The following KIRREL3 variants were observed in gnomAD, a reference collection of about 807,000 sequenced individuals.
KIRREL3 encodes the protein kirre like nephrin family adhesion molecule 3.
In KIRREL3, 36 loss-of-function variants were observed where a neutral mutation model predicts 89.7. The observed-to-expected ratio is 0.40, with a 90% CI of 0.31 to 0.53. The LOEUF (loss-of-function observed/expected upper bound fraction) is 0.53. Ranked by LOEUF, KIRREL3 falls within the 20% of genes least tolerant of loss-of-function variation. KIRREL3 has a pLI of 0.49. For synonymous variants in KIRREL3, 445 were observed against 441.4 expected (o/e 1.01, Z -0.10); for missense variants, 864 against 1,056.6 (o/e 0.82, Z 2.53).
chr11:126,465,215 G>C (rs1956681896), intron 5 of KIRREL3, among the ~76,000 whole-genome samples: 1 of 152,138 alleles, frequency 6.6e-6, no homozygotes, highest in Admixed American at 6.5e-5. Context: ...TAGATGAACA[G>C]ACCACTCCTC....
rs1941125063 is a variant in KIRREL3 at position 126,574,131 on chromosome 11, A to T, written c.56-11219T>A. On this transcript the variant is annotated intron_variant, in intron 1 of 16. Coordinates refer to ENST00000525144, the MANE Select transcript of KIRREL3 (RefSeq NM_032531.4). The surrounding 1 kb of genome is among the most constrained non-coding windows in gnomAD (Gnocchi z 5.3). Reference sequence around the variant, plus strand: ...ACTGAGTATTATTGGCAACTAACACACCTGCAGAGCTTTGCAGTTGAAGAA... The same window carrying T: ...ACTGAGTATTATTGGCAACTAACACTCCTGCAGAGCTTTGCAGTTGAAGAA... 6.6e-6 allele frequency among the ~76,000 whole-genome samples: 1 copy of T among 152,208 alleles called. No homozygotes were observed. The highest frequency in any genetic ancestry group is 1.5e-5 in the Non-Finnish European group (1 of 68,040).
At position 126,608,637 on chromosome 11, in the gene KIRREL3, G is replaced by C. The variant is rs1462857856; in HGVS notation, c.56-45725C>G. Reference sequence around the variant, plus strand: ...TGGACTAATCCATACACAAAATCCTGTGGCTGCAGTAGGAGCCCCCTTCCC... The same window carrying C: ...TGGACTAATCCATACACAAAATCCTCTGGCTGCAGTAGGAGCCCCCTTCCC... On this transcript the variant is annotated intron_variant, in intron 1 of 16. Coordinates refer to ENST00000525144, the MANE Select transcript of KIRREL3 (RefSeq NM_032531.4). This position sits in a 1 kb window ranked among gnomAD's most constrained non-coding sequence, Gnocchi z 4.9. Among the ~76,000 whole-genome samples the C allele has an allele frequency of 2.6e-5, 4 of 152,172 alleles. No homozygotes were observed. The highest frequency in any genetic ancestry group is 6.5e-5 in the Admixed American group (1 of 15,284).
chr11:126,861,412 C>CAGAGAA (rs1767049792), intron 1 of KIRREL3, among the ~76,000 whole-genome samples: 2 of 152,188 alleles, frequency 1.3e-5, no homozygotes, highest in Middle Eastern at 3.4e-3. Flanking sequence ...TGATACGGGG[C>CAGAGAA]AGAGAAAGAG....
Position 126,890,340 on chromosome 11 carries a change from G to A in KIRREL3, c.55+110115C>T, listed in dbSNP as rs1945864260. Among the ~76,000 whole-genome samples the A allele has an allele frequency of 6.6e-6, 1 of 152,234 alleles. No individual in the cohort carries two copies. Among genetic ancestry groups the A allele is most frequent in the South Asian group, 2.1e-4 (1 of 4,828 alleles). ...AAGGGCTTGTACTGGCCATGCCAGA[G>A]TCTAGAGGGAAGAGCTTGGGGCTCA... On this transcript the variant is annotated intron_variant, in intron 1 of 16. Transcript: ENST00000525144. The surrounding 1 kb of genome is among the most constrained non-coding windows in gnomAD (Gnocchi z 5.1).
chr11:126,867,938 C>A lies in KIRREL3; in HGVS notation c.55+132517G>T, dbSNP rs10893601. On this transcript the variant is annotated intron_variant, in intron 1 of 16. Transcript: ENST00000525144. This position sits in a 1 kb window ranked among gnomAD's most constrained non-coding sequence, Gnocchi z 4.7. Reference sequence around the variant, plus strand: ...GCACCTAACCTCAGAGCTAGACATGCAATAGGCATTCAATATAAACTTGAT... The same window carrying A: ...GCACCTAACCTCAGAGCTAGACATGAAATAGGCATTCAATATAAACTTGAT... 0.28 allele frequency among the ~76,000 whole-genome samples: 42,037 copies of A among 151,812 alleles called. 5,945 individuals carry two copies. The highest frequency in any genetic ancestry group is 0.41 in the East Asian group (2,121 of 5,120).
intron 1 of KIRREL3, among the ~76,000 whole-genome samples, chr11:126,654,801 A>G (rs1290790892): frequency 6.6e-6 from 1 of 151,418 alleles, no homozygotes; most frequent in African/African-American, 2.4e-5. Context: ...ATTTTTTTTT[A>G]TTTTTTTATT....
chr11:126,526,781 A>C lies in KIRREL3; in HGVS notation c.134-94T>G. ...TATGGAAGCAGAGCAGGGCTGGCGC[A>C]GGAGACTGAGCCTCCTGAAGCACCT... On this transcript the variant is annotated intron_variant, in intron 2 of 16. Transcript: ENST00000525144. The surrounding 1 kb of genome is among the most constrained non-coding windows in gnomAD (Gnocchi z 5.7). 1 of 1,338,804 alleles carries C rather than the reference A, an allele frequency of 7.5e-7. No homozygotes were observed. 82.9% of individuals were successfully genotyped at this position (1,338,804 alleles called of 1,614,324 possible). A position where few individuals can be genotyped will look rare whatever the true frequency, so the allele number is the denominator to read the frequency against.
chr11:126,581,034 A>G (rs550999191), intron 1 of KIRREL3, among the ~76,000 whole-genome samples: 14 of 152,036 alleles, frequency 9.2e-5, no homozygotes, highest in African/African-American at 3.1e-4. Context: ...CCCTTCTCAA[A>G]CCATGCCTGC....
At position 126,740,368 on chromosome 11, in the gene KIRREL3, G is replaced by C. The variant is rs765432669; in HGVS notation, c.56-177456C>G. Among the ~76,000 whole-genome samples, 4 of 151,292 alleles carry C rather than the reference G, an allele frequency of 2.6e-5. No individual in the cohort carries two copies. The highest frequency in any genetic ancestry group is 5.9e-5 in the Non-Finnish European group (4 of 67,964). On this transcript the variant is annotated intron_variant, in intron 1 of 16. Coordinates refer to ENST00000525144, the MANE Select transcript of KIRREL3 (RefSeq NM_032531.4). The surrounding 1 kb of genome is among the most constrained non-coding windows in gnomAD (Gnocchi z 6.0). ...GTGCTGCATTGCTAAACTCAGTGGA[G>C]ATGGTATTCATTCTGTGTTTGGTGC...
chr11:126,635,966 C>T lies in KIRREL3; in HGVS notation c.56-73054G>A, dbSNP rs12289242. On this transcript the variant is annotated intron_variant, in intron 1 of 16. Transcript: ENST00000525144. This position sits in a 1 kb window ranked among gnomAD's most constrained non-coding sequence, Gnocchi z 4.0. ...GCAGGGCCAGCAGGCCTACAGGTAG[C>T]GGGAGGGATCAGTGGAGGAAGCGAC... is the stretch of plus-strand genomic sequence containing the variant. Among the ~76,000 whole-genome samples the T allele has an allele frequency of 0.021, 3,222 of 152,234 alleles. 34 individuals are homozygous for T. Among genetic ancestry groups the T allele is most frequent in the Middle Eastern group, 0.088 (26 of 294 alleles).
intron 4 of KIRREL3, among the ~76,000 whole-genome samples, chr11:126,478,661 G>GTA (rs915013334): frequency 6.6e-6 from 1 of 152,080 alleles, no homozygotes; most frequent in African/African-American, 2.4e-5. Flanking sequence ...ATGTGTATAT[G>GTA]TATATATGTA....
At position 126,498,469 on chromosome 11, in the gene KIRREL3, T is replaced by G. The variant is rs114755214; in HGVS notation, c.433+22846A>C. Among the ~76,000 whole-genome samples, 1,752 of 152,328 alleles carry G rather than the reference T, an allele frequency of 0.012. 28 individuals are homozygous for G. The highest frequency in any genetic ancestry group is 0.038 in the African/African-American group (1,593 of 41,570). ...TGCTAATTGTCGCTAGGCATCACAC[T>G]ATCCTGTCTGTCAGGTAAGGGGTGG... On this transcript the variant is annotated intron_variant, in intron 4 of 16. Coordinates refer to ENST00000525144, the MANE Select transcript of KIRREL3 (RefSeq NM_032531.4). This position sits in a 1 kb window ranked among gnomAD's most constrained non-coding sequence, Gnocchi z 4.3.
intron 1 of KIRREL3, among the ~76,000 whole-genome samples, chr11:126,888,983 C>T (rs1356986667): frequency 6.6e-6 from 1 of 152,224 alleles, no homozygotes; most frequent in Admixed American, 6.5e-5. Flanking sequence ...ATTAAGATCC[C>T]ATACTTAGAT....
intron 1 of KIRREL3, among the ~76,000 whole-genome samples, chr11:126,821,291 T>C (rs1477722388): frequency 7.0e-6 from 1 of 143,432 alleles, no homozygotes; most frequent in East Asian, 2.1e-4. Context: ...GTAAAGCTGA[T>C]AGAATATTAG....
At chr11:126,947,154 G>A (rs769258654) in intron 1 of KIRREL3, among the ~76,000 whole-genome samples, 4 of 152,046 alleles carry the variant, frequency 2.6e-5, no homozygotes, top group Non-Finnish European at 5.9e-5. Flanking sequence ...TCTCGTTTAT[G>A]AGCCAACCAT....
intron 1 of KIRREL3, among the ~76,000 whole-genome samples, chr11:126,672,196 T>A (rs560130874): frequency 6.6e-6 from 1 of 152,300 alleles, no homozygotes; most frequent in Non-Finnish European, 1.5e-5. Context: ...TTCTAAAGAC[T>A]TGAACAGTAG....
At chr11:126,975,884 T>TTCCC (rs1026239322) in intron 1 of KIRREL3, among the ~76,000 whole-genome samples, 5 of 125,892 alleles carry the variant, frequency 4.0e-5, no homozygotes, top group East Asian at 2.7e-4. Context: ...GGTTTTTCTT[T>TTCCC]TCCCTCCCTC....
intron 1 of KIRREL3, among the ~76,000 whole-genome samples, chr11:126,751,033 T>C (rs967364118): frequency 6.6e-6 from 1 of 152,238 alleles, no homozygotes; most frequent in African/African-American, 2.4e-5. Flanking sequence ...GACAGGAAAA[T>C]CAATTTAAAT....
intron 1 of KIRREL3, among the ~76,000 whole-genome samples, chr11:126,998,029 G>T (rs112363174): frequency 6.6e-6 from 1 of 152,092 alleles, no homozygotes; most frequent in Admixed American, 6.6e-5. Context: ...CCTCATTCTG[G>T]GGGATCACAG....
Sources: allele counts gnomAD v4.1 joint callset (sites outside exome capture counted in the v4.1 genomes callset), GRCh38; gene constraint gnomAD v4.1.1; non-coding constraint Gnocchi (gnomAD v3.1); transcripts MANE v1.5; gene names NCBI Gene and HGNC (gene_info 2026-07-23, HGNC 2026-07-21).